Variants in MCCC1 observed in about 807,000 individuals in gnomAD.
MCCC1 encodes the protein methylcrotonoyl-CoA carboxylase subunit alpha, mitochondrial.
In MCCC1, 64 loss-of-function variants were observed where a neutral mutation model predicts 83.8. The ratio of observed to expected loss-of-function variants is 0.76; its 90% CI spans 0.62 to 0.94. MCCC1 has a LOEUF of 0.94. MCCC1 is among the 40% of genes least tolerant of loss of function. MCCC1 has a pLI of 0.00. For missense variants in MCCC1, 807 were observed against 904.7 expected (o/e 0.89, Z 1.39); for synonymous variants, 322 against 315.4 (o/e 1.02, Z -0.22).
chr3:183,032,494 T>C (rs1713162663), intron 14 of MCCC1, among the ~76,000 whole-genome samples: 1 of 152,216 alleles, frequency 6.6e-6, no homozygotes, highest in South Asian at 2.1e-4. Context: ...CTTAACAATA[T>C]GCCCAATGCA....
intron 7 of MCCC1, 88 bp from the exon 8 acceptor site, chr3:183,057,510 C>A: frequency 9.8e-6 from 10 of 1,023,486 alleles, no homozygotes; most frequent in Non-Finnish European, 1.5e-5. Flanking sequence ...GCACAATCAC[C>A]AGGATTTCTC....
Position 183,064,964 on chromosome 3 carries a change from T to G in MCCC1, c.761+6035A>C, listed in dbSNP as rs566724500. Among the ~76,000 whole-genome samples, 67 of 152,204 alleles carry G rather than the reference T, an allele frequency of 4.4e-4. No homozygotes were observed. The highest frequency in any genetic ancestry group is 9.0e-4 in the Non-Finnish European group (61 of 68,032). ...CCCTTCCCTTCCCTTTCTCTCTCTG[T>G]GCAAACTGGTTGAATGAATGGCAAA... is the stretch of plus-strand genomic sequence containing the variant. On this transcript the variant is annotated intron_variant, in intron 7 of 18. Transcript: ENST00000265594. This position sits in a 1 kb window ranked among gnomAD's most constrained non-coding sequence, Gnocchi z 4.5.
At chr3:183,056,820 A>C (rs1181086413) in intron 8 of MCCC1, among the ~76,000 whole-genome samples, 1 of 152,022 alleles carries the variant, frequency 6.6e-6, no homozygotes, top group Non-Finnish European at 1.5e-5. Flanking sequence ...CAGCCTACCC[A>C]AGTAGCTGGG....
chr3:183,113,000 C>T (rs879873674), intron 1 of MCCC1, among the ~76,000 whole-genome samples: 20 of 152,038 alleles, frequency 1.3e-4, no homozygotes, highest in Non-Finnish European at 2.1e-4. Flanking sequence ...CCAAGGCCGG[C>T]GGATCACGAA....
intron 5 of MCCC1, among the ~76,000 whole-genome samples, chr3:183,071,728 G>A (rs1310430871): frequency 1.3e-5 from 2 of 149,642 alleles, no homozygotes; most frequent in African/African-American, 2.4e-5. Flanking sequence ...TAGAGACAGG[G>A]TCTCACAATG....
intron 7 of MCCC1, among the ~76,000 whole-genome samples, chr3:183,058,040 A>G (rs1297612426): frequency 6.6e-6 from 1 of 152,242 alleles, no homozygotes; most frequent in African/African-American, 2.4e-5. Context: ...AAAGACAGAA[A>G]ATAGAGACTA....
intron 7 of MCCC1, among the ~76,000 whole-genome samples, chr3:183,070,733 C>CA (rs11313652): frequency 2.8e-5 from 4 of 143,586 alleles, no homozygotes; most frequent in African/African-American, 7.7e-5. Flanking sequence ...AGACTCCGTC[C>CA]AAAAAAAAAA....
chr3:183,028,542 T>C (rs780228215), intron 14 of MCCC1, among the ~76,000 whole-genome samples: 4 of 152,238 alleles, frequency 2.6e-5, no homozygotes, highest in Admixed American at 2.6e-4. Flanking sequence ...ACCTTCTACA[T>C]GCCATTAAGA....
At chr3:183,015,707 T>C (rs959823499) in intron 18 of MCCC1, 141 bp from the exon 19 acceptor site, 1 of 935,788 alleles carries the variant, frequency 1.1e-6, no homozygotes, top group South Asian at 1.3e-5. Flanking sequence ...TTCCAACGCT[T>C]TGTTGTTGTT....
chr3:183,052,052 C>G lies in MCCC1; in HGVS notation c.955+107G>C. 3.0e-6 allele frequency: 3 copies of G among 1,013,128 alleles called. No individual in the cohort carries two copies. In the South Asian group the frequency reaches 4.0e-5, roughly 13 times the overall value. 62.8% of individuals were successfully genotyped at this position (1,013,128 alleles called of 1,614,324 possible). A position where few individuals can be genotyped will look rare whatever the true frequency, so the allele number is the denominator to read the frequency against. On this transcript the variant is annotated intron_variant, in intron 9 of 18. Transcript: ENST00000265594. ...ATGTATTTCTTACTGTGAATATGGTCAAAACAGCTTGAAAGCAACTGATTT... is the reference window on the plus strand; with the variant it reads ...ATGTATTTCTTACTGTGAATATGGTGAAAACAGCTTGAAAGCAACTGATTT...
upstream of MCCC1, among the ~76,000 whole-genome samples, chr3:183,103,635 G>A (rs1054132218): frequency 6.6e-6 from 1 of 151,996 alleles, no homozygotes; most frequent in Non-Finnish European, 1.5e-5. Flanking sequence ...TGAGCTAGAC[G>A]TAAAGGTTCT....
At chr3:183,087,493 G>A (rs544232152) in intron 3 of MCCC1, among the ~76,000 whole-genome samples, 2 of 152,244 alleles carry the variant, frequency 1.3e-5, no homozygotes, top group South Asian at 4.1e-4. Context: ...GAAAAACCAA[G>A]GGCATAAATG....
chr3:183,086,840 A>C, intron 3 of MCCC1, 52 bp from the exon 4 acceptor site: 4 of 1,482,148 alleles, frequency 2.7e-6, no homozygotes, highest in South Asian at 1.2e-5. Context: ...GTACATACTC[A>C]TACACTATAC....
intron 1 of MCCC1, among the ~76,000 whole-genome samples, chr3:183,109,392 T>A (rs1292713189): frequency 6.6e-6 from 1 of 152,206 alleles, no homozygotes; most frequent in African/African-American, 2.4e-5. Context: ...GTTCTTCAAC[T>A]ATTGCCTCCC....
At chr3:183,066,735 T>C (rs1716283893) in intron 7 of MCCC1, among the ~76,000 whole-genome samples, 1 of 152,248 alleles carries the variant, frequency 6.6e-6, no homozygotes, top group Non-Finnish European at 1.5e-5. Context: ...GAAATGTTCA[T>C]GTATATCAAG....
In MCCC1 at chr3:183,041,479, G is replaced by T. The variant is rs1714075648; in HGVS notation, c.1267+88C>A. On this transcript the variant is annotated intron_variant, in intron 11 of 18. Transcript: ENST00000265594. ...ATTTTAAAATATGCTAGACAGTTCT[G>T]TAAGACTCAGGGATAAGAATGTGTC... 8.7e-6 allele frequency: 12 copies of T among 1,379,560 alleles called. No homozygotes were observed. In the Admixed American group the frequency reaches 2.1e-4, roughly 24 times the overall value. The allele number at this position is 1,379,560 out of a possible 1,614,324, so 85.5% of individuals were successfully genotyped here.
At chr3:183,055,828 T>G (rs761343125) in intron 8 of MCCC1, among the ~76,000 whole-genome samples, 1 of 151,188 alleles carries the variant, frequency 6.6e-6, no homozygotes, top group African/African-American at 2.4e-5. Flanking sequence ...AGCCCAGGAG[T>G]TGGAGACTGC....
intron 7 of MCCC1, among the ~76,000 whole-genome samples, chr3:183,060,469 G>A (rs1160700384): frequency 1.3e-5 from 2 of 152,144 alleles, no homozygotes; most frequent in African/African-American, 4.8e-5. Flanking sequence ...CAGAACAAAC[G>A]TGAGAAGAAA....
At chr3:183,076,683 T>G (rs973162992) in intron 4 of MCCC1, among the ~76,000 whole-genome samples, 4 of 152,236 alleles carry the variant, frequency 2.6e-5, no homozygotes, top group Admixed American at 2.0e-4. Context: ...CTTTCTGATT[T>G]TGGCCAATCT....
Sources: allele counts gnomAD v4.1 joint callset (sites outside exome capture counted in the v4.1 genomes callset), GRCh38; gene constraint gnomAD v4.1.1; non-coding constraint Gnocchi (gnomAD v3.1); transcripts MANE v1.5; gene names NCBI Gene and HGNC (gene_info 2026-07-23, HGNC 2026-07-21).